Variants in SAMD12 observed in about 807,000 individuals in gnomAD.
SAMD12 encodes the protein sterile alpha motif domain containing 12.
In SAMD12, 9 loss-of-function variants were observed where a neutral mutation model predicts 15.0. The ratio of observed to expected loss-of-function variants is 0.60; its 90% CI spans 0.36 to 1.05. SAMD12 has a LOEUF of 1.05. Ranked by LOEUF, SAMD12 falls within the 50% of genes least tolerant of loss-of-function variation. The pLI, the probability that SAMD12 is intolerant of heterozygous loss-of-function variation, is 0.01. For missense variants in SAMD12, 230 were observed against 234.2 expected (o/e 0.98, Z 0.12); for synonymous variants, 86 against 90.1 (o/e 0.96, Z 0.25).
At chr8:118,159,695 A>G in the SAMD12 span, among the ~76,000 whole-genome samples, 1 of 147,266 alleles carries the variant, frequency 6.8e-6, no homozygotes, top group Non-Finnish European at 1.5e-5. Flanking sequence ...CTGATACTAT[A>G]TAACAAATTT....
intron 2 of SAMD12, among the ~76,000 whole-genome samples, chr8:118,486,216 C>T (rs537697412): frequency 2.0e-5 from 3 of 152,102 alleles, no homozygotes; most frequent in South Asian, 4.2e-4. Context: ...AGATAGAGAC[C>T]ATCCTGGCTA....
intron 2 of SAMD12, among the ~76,000 whole-genome samples, chr8:118,496,015 A>G (rs1824598667): frequency 6.6e-6 from 1 of 152,136 alleles, no homozygotes; most frequent in Non-Finnish European, 1.5e-5. Flanking sequence ...GGAAGATCAA[A>G]GATCTCTATA....
At chr8:118,606,582 A>AG (rs1827990591) in intron 1 of SAMD12, among the ~76,000 whole-genome samples, 1 of 151,452 alleles carries the variant, frequency 6.6e-6, no homozygotes, top group Non-Finnish European at 1.5e-5. Context: ...AATTTAAAAA[A>AG]AAAAGAAAAG....
chr8:118,456,064 C>T (rs949911739), intron 2 of SAMD12, among the ~76,000 whole-genome samples: 1 of 152,210 alleles, frequency 6.6e-6, no homozygotes, highest in Non-Finnish European at 1.5e-5. Flanking sequence ...CAGTGGCTTT[C>T]CTTTGCACTT....
At chr8:118,326,732 C>A (rs76082178) in intron 4 of SAMD12, among the ~76,000 whole-genome samples, 4,159 of 152,162 alleles carry the variant, frequency 0.027, 167 homozygotes, top group African/African-American at 0.093. Context: ...TACTTTGTGG[C>A]AATGGGGTGC....
chr8:118,214,445 T>G (rs1811908814), intron 4 of SAMD12, among the ~76,000 whole-genome samples: 1 of 151,978 alleles, frequency 6.6e-6, no homozygotes, highest in Non-Finnish European at 1.5e-5. Flanking sequence ...GTGCCCTTGG[T>G]AGTGTCATCT....
chr8:118,508,198 T>G (rs1228725030), intron 2 of SAMD12, among the ~76,000 whole-genome samples: 1 of 137,000 alleles, frequency 7.3e-6, no homozygotes, highest in Non-Finnish European at 1.5e-5. Flanking sequence ...TGAGAACACT[T>G]GGACACAGGA....
chr8:118,511,016 G>A (rs75803583), intron 2 of SAMD12, among the ~76,000 whole-genome samples: 3,580 of 152,208 alleles, frequency 0.024, 114 homozygotes, highest in African/African-American at 0.076. Context: ...GACAGTCTGG[G>A]ATATTATATT....
At chr8:118,142,759 A>T in the SAMD12 span, among the ~76,000 whole-genome samples, 1 of 152,226 alleles carries the variant, frequency 6.6e-6, no homozygotes, top group Non-Finnish European at 1.5e-5. Flanking sequence ...TGATCTCTGC[A>T]GTGCCAAGCA....
chr8:118,265,379 G>C (rs1813174358), intron 4 of SAMD12, among the ~76,000 whole-genome samples: 1 of 152,040 alleles, frequency 6.6e-6, no homozygotes, highest in Admixed American at 6.6e-5. Context: ...TACTGTTGAG[G>C]GTGATTTTTT....
At chr8:118,453,008 C>T (rs1823128153) in intron 2 of SAMD12, among the ~76,000 whole-genome samples, 1 of 152,204 alleles carries the variant, frequency 6.6e-6, no homozygotes, top group Non-Finnish European at 1.5e-5. Flanking sequence ...TTCTGAATGT[C>T]TGTGACAGTA....
intron 4 of SAMD12, among the ~76,000 whole-genome samples, chr8:118,201,179 G>A (rs1177037587): frequency 6.6e-6 from 1 of 152,160 alleles, no homozygotes; most frequent in Non-Finnish European, 1.5e-5. Flanking sequence ...GGGGAAATAT[G>A]TGGTCTTTGA....
intron 4 of SAMD12, among the ~76,000 whole-genome samples, chr8:118,201,696 T>A (rs1819720352): frequency 6.6e-6 from 1 of 152,250 alleles, no homozygotes; most frequent in Non-Finnish European, 1.5e-5. Context: ...AATCCTGGTC[T>A]GCATGTGGAG....
rs183342506 is a variant in SAMD12 at position 118,567,909 on chromosome 8, T to C, written c.192+12806A>G. Among the ~76,000 whole-genome samples, 350 of 151,516 alleles carry C rather than the reference T, an allele frequency of 2.3e-3. 3 individuals are homozygous for C. The highest frequency in any genetic ancestry group is 7.4e-3 in the African/African-American group (301 of 40,800). ...ACCAGCCAGTTGAAGACTAAATGTA[T>C]CCTATTATAAGAATTCATTCAAACA... On this transcript the variant is annotated intron_variant, in intron 2 of 3. Coordinates refer to ENST00000314727, the MANE Select transcript of SAMD12 (RefSeq NM_207506.3).
intron 2 of SAMD12, among the ~76,000 whole-genome samples, chr8:118,529,247 C>A (rs933737910): frequency 2.6e-5 from 4 of 152,190 alleles, no homozygotes; most frequent in Admixed American, 2.6e-4. Context: ...AAAATTTTAT[C>A]CAGAACTTTT....
At chr8:118,278,721 A>T (rs942634031) in intron 4 of SAMD12, among the ~76,000 whole-genome samples, 2 of 152,312 alleles carry the variant, frequency 1.3e-5, no homozygotes, top group African/African-American at 4.8e-5. Flanking sequence ...TTGCATGACT[A>T]AAATTAAAGG....
chr8:118,619,048 C>T lies in SAMD12; in HGVS notation c.13+2756G>A, dbSNP rs151207962. 7.6e-3 allele frequency among the ~76,000 whole-genome samples: 1,152 copies of T among 152,210 alleles called. 21 individuals are homozygous for T. The highest frequency in any genetic ancestry group is 0.027 in the African/African-American group (1,103 of 41,528). The stretch of plus-strand genomic sequence containing the variant: ...TCATTACTTGGCCATGGCTTGGCCT[C>T]GTTATACGGGATGGCCATGCGCTGC... On this transcript the variant is annotated intron_variant, in intron 1 of 3. Transcript: ENST00000314727.
chr8:118,274,718 A>G (rs901559628), intron 4 of SAMD12, among the ~76,000 whole-genome samples: 2 of 152,204 alleles, frequency 1.3e-5, no homozygotes, highest in African/African-American at 4.8e-5. Context: ...GGAATGTTAC[A>G]GTATGTGTAT....
At chr8:118,450,580 T>C (rs1823049862) in intron 2 of SAMD12, among the ~76,000 whole-genome samples, 1 of 152,104 alleles carries the variant, frequency 6.6e-6, no homozygotes, top group Non-Finnish European at 1.5e-5. Flanking sequence ...AAACGAACCA[T>C]AAAAATTGTT....
Sources: allele counts gnomAD v4.1 joint callset (sites outside exome capture counted in the v4.1 genomes callset), GRCh38; gene constraint gnomAD v4.1.1; transcripts MANE v1.5; gene names NCBI Gene and HGNC (gene_info 2026-07-23, HGNC 2026-07-21).